TYW1B: variants seen among roughly 807,000 people sequenced by gnomAD.
TYW1B encodes S-adenosyl-L-methionine-dependent tRNA 4-demethylwyosine synthase TYW1B.
Under a neutral mutation model 86.9 loss-of-function variants are expected in TYW1B, and 73 were observed. The ratio of observed to expected loss-of-function variants is 0.84; its 90% CI spans 0.70 to 1.02. The LOEUF (loss-of-function observed/expected upper bound fraction) is 1.02. Ranked by LOEUF, TYW1B falls within the 50% of genes least tolerant of loss-of-function variation. The pLI, the probability that TYW1B is intolerant of heterozygous loss-of-function variation, is 0.00. For synonymous variants in TYW1B, 248 were observed against 292.8 expected (o/e 0.85, Z 1.56); for missense variants, 637 against 827.4 (o/e 0.77, Z 2.82).
intron 11 of TYW1B, among the ~76,000 whole-genome samples, chr7:72,683,022 G>A (rs1240331609): frequency 3.9e-5 from 6 of 152,196 alleles, no homozygotes; most frequent in Non-Finnish European, 7.3e-5. Context: ...TTTGACATGT[G>A]TCAGAGCATT....
chr7:72,744,828 ACT>A (rs1443216308), intron 7 of TYW1B, among the ~76,000 whole-genome samples: 1 of 152,132 alleles, frequency 6.6e-6, no homozygotes, highest in African/African-American at 2.4e-5. Context: ...AACTCTGAAA[ACT>A]CTACAGGGAG....
At chr7:72,799,885 C>T (rs1788375519) in intron 6 of TYW1B, among the ~76,000 whole-genome samples, 5 of 152,292 alleles carry the variant, frequency 3.3e-5, no homozygotes, top group Middle Eastern at 3.4e-3. Context: ...CCATATAAAA[C>T]ACTTTAAAGT....
At chr7:72,716,021 C>T (rs1222623514) in intron 9 of TYW1B, among the ~76,000 whole-genome samples, 2 of 152,198 alleles carry the variant, frequency 1.3e-5, no homozygotes, top group African/African-American at 4.8e-5. Context: ...AGCTCCACCT[C>T]CTCGGTTCAA....
intron 11 of TYW1B, among the ~76,000 whole-genome samples, chr7:72,631,661 T>A (rs1812494909): frequency 6.6e-6 from 1 of 152,104 alleles, no homozygotes; most frequent in Admixed American, 6.6e-5. Context: ...TGAAAAATAA[T>A]TAATTGTAAA....
At chr7:72,818,943 CT>C (rs1788777812) in intron 2 of TYW1B, among the ~76,000 whole-genome samples, 1 of 152,088 alleles carries the variant, frequency 6.6e-6, no homozygotes, top group African/African-American at 2.4e-5. Context: ...ACACTGGGGA[CT>C]ACGATTCGAC....
intron 11 of TYW1B, among the ~76,000 whole-genome samples, chr7:72,652,436 T>C (rs1410810609): frequency 6.7e-6 from 1 of 150,104 alleles, no homozygotes; most frequent in African/African-American, 2.4e-5. Flanking sequence ...ATGGAATTCT[T>C]CAAAGCAATG....
At chr7:72,662,582 A>AT (rs1813359303) in intron 11 of TYW1B, among the ~76,000 whole-genome samples, 1 of 152,210 alleles carries the variant, frequency 6.6e-6, no homozygotes, top group African/African-American at 2.4e-5. Flanking sequence ...AGCTGCTCAA[A>AT]TTTTATTTAC....
intron 3 of TYW1B, among the ~76,000 whole-genome samples, chr7:72,813,905 C>T (rs557573235): frequency 1.3e-5 from 2 of 151,684 alleles, no homozygotes; most frequent in Non-Finnish European, 2.9e-5. Context: ...ATCCCAGCTA[C>T]TCAGGAGGCT....
chr7:72,595,147 G>A (rs1363602517), intron 13 of TYW1B, among the ~76,000 whole-genome samples: 1 of 152,018 alleles, frequency 6.6e-6, no homozygotes, highest in Non-Finnish European at 1.5e-5. Context: ...ACAGCAATTA[G>A]GTAAGAAGAA....
At chr7:72,631,753 T>A (rs1451769568) in intron 11 of TYW1B, among the ~76,000 whole-genome samples, 10 of 151,820 alleles carry the variant, frequency 6.6e-5, no homozygotes, top group African/African-American at 2.2e-4. Context: ...TATATATATA[T>A]AAACAAACAG....
intron 11 of TYW1B, among the ~76,000 whole-genome samples, chr7:72,638,239 C>T (rs1812719413): frequency 6.6e-6 from 1 of 151,728 alleles, no homozygotes; most frequent in African/African-American, 2.4e-5. Flanking sequence ...AAGACCAGCA[C>T]TGTGCAATAG....
At chr7:72,798,488 G>C (rs1788348923) in intron 6 of TYW1B, among the ~76,000 whole-genome samples, 1 of 152,100 alleles carries the variant, frequency 6.6e-6, no homozygotes, top group South Asian at 2.1e-4. Context: ...ATTATTCAGA[G>C]CCACACAACA....
At chr7:72,821,171 G>A (rs1305729183) in intron 2 of TYW1B, among the ~76,000 whole-genome samples, 1 of 152,058 alleles carries the variant, frequency 6.6e-6, no homozygotes, top group Non-Finnish European at 1.5e-5. Flanking sequence ...ATGGGGTTTT[G>A]CCATGTTGGC....
At chr7:72,785,613 G>T (rs1554472308) in intron 6 of TYW1B, among the ~76,000 whole-genome samples, 1 of 151,992 alleles carries the variant, frequency 6.6e-6, no homozygotes, top group Non-Finnish European at 1.5e-5. Flanking sequence ...AATTTGTCCA[G>T]ATACACAAGC....
intron 11 of TYW1B, among the ~76,000 whole-genome samples, chr7:72,687,075 A>T (rs1814023555): frequency 6.6e-6 from 1 of 152,206 alleles, no homozygotes; most frequent in African/African-American, 2.4e-5. Context: ...ATGCTTTTTT[A>T]AAAGTGATAA....
intron 11 of TYW1B, 138 bp from the exon 12 acceptor site, chr7:72,629,135 T>C (rs1243682723): frequency 3.2e-6 from 2 of 616,928 alleles, no homozygotes; most frequent in Non-Finnish European, 5.6e-6. Context: ...ACTGAAGCTA[T>C]ATTTTGAGGA....
chr7:72,699,621 T>TA (rs1266035358), intron 10 of TYW1B, among the ~76,000 whole-genome samples: 1 of 151,904 alleles, frequency 6.6e-6, no homozygotes. Flanking sequence ...GAATCTGACT[T>TA]ACAAAGCTGT....
At chr7:72,741,372 A>G (rs531013060) in intron 8 of TYW1B, among the ~76,000 whole-genome samples, 1 of 152,324 alleles carries the variant, frequency 6.6e-6, no homozygotes, top group Admixed American at 6.5e-5. Context: ...TTGAACAGGC[A>G]AAAGAAAAAC....
chr7:72,672,233 C>G (rs570676531), intron 11 of TYW1B, among the ~76,000 whole-genome samples: 2 of 152,048 alleles, frequency 1.3e-5, no homozygotes, highest in East Asian at 3.9e-4. Flanking sequence ...CTTCTCCAGC[C>G]ATGTGGAACT....
Sources: gnomAD v4.1 joint callset for allele counts (sites outside exome capture counted in the v4.1 genomes callset) on GRCh38, gnomAD v4.1.1 for gene constraint, MANE v1.5 for transcripts, NCBI Gene and HGNC (gene_info 2026-07-23, HGNC 2026-07-21) for gene names.